NF1: variants seen among roughly 807,000 people sequenced by gnomAD.
NF1 encodes the protein neurofibromin 1.
NF1 carries 122 observed loss-of-function variants against 325.7 expected under a neutral mutation model. The ratio of observed to expected loss-of-function variants is 0.37; its 90% CI spans 0.32 to 0.44. The LOEUF (loss-of-function observed/expected upper bound fraction) is 0.44, where lower values mean the gene tolerates loss of function less well. NF1 is among the 20% of genes least tolerant of loss of function. The probability of loss-of-function intolerance (pLI) is 1.00; values close to 1 mark genes in which losing one functional copy is unlikely to be tolerated. For missense variants in NF1, 2,140 were observed against 3,415.4 expected, an observed-to-expected ratio of 0.63 and a Z score of 9.31; for synonymous variants, 1,091 against 1,186.0, an observed-to-expected ratio of 0.92 and a Z score of 1.65.
chr17:31,206,493 A>G, intron 12 of NF1, 122 bp downstream of exon 12: 1 of 1,156,134 alleles, frequency 8.6e-7, no homozygotes, highest in Admixed American at 1.8e-5. Flanking sequence ...ATTTCCTCTA[A>G]ATGTTGTGGT....
chr17:31,287,094 A>G, intron 36 of NF1, among the ~76,000 whole-genome samples: 1 of 152,284 alleles, frequency 6.6e-6, no homozygotes, highest in Non-Finnish European at 1.5e-5. Context: ...CTGCTAAATA[A>G]TTTTTTTAGG....
At chr17:31,264,697 A>G (rs529603018) in intron 35 of NF1, among the ~76,000 whole-genome samples, 1 of 152,350 alleles carries the variant, frequency 6.6e-6, no homozygotes, top group East Asian at 1.9e-4. Context: ...AGCAAACTAT[A>G]TAAAAATTAA....
intron 36 of NF1, among the ~76,000 whole-genome samples, chr17:31,268,697 A>AT (rs933916239): frequency 6.7e-6 from 1 of 149,842 alleles, no homozygotes; most frequent in Non-Finnish European, 1.5e-5. Context: ...ATGTGTTTTA[A>AT]TTTTTTTTGT....
intron 36 of NF1, among the ~76,000 whole-genome samples, chr17:31,279,660 T>C (rs1015901082): frequency 1.3e-5 from 2 of 152,114 alleles, no homozygotes; most frequent in Middle Eastern, 3.4e-3. Flanking sequence ...AGACAGGCCA[T>C]TGTTATGAGA....
At chr17:31,325,007 C>G (rs954818375) in intron 36 of NF1, among the ~76,000 whole-genome samples, 1 of 152,182 alleles carries the variant, frequency 6.6e-6, no homozygotes, top group Admixed American at 6.5e-5. Context: ...ACTTTGGTAC[C>G]ATTACTTCAG....
Position 31,325,833 on chromosome 17 carries a change from C to A in NF1, c.4849C>A (p.Gln1617Lys). Residue 1617 changes from glutamine (Q) to lysine (K), a missense_variant, in exon 37 of 58, where the codon CAA (glutamine) becomes AAA (lysine). Physicochemically the swap from Gln to Lys is moderately conservative, Grantham distance 53. Around this residue, in one of 10 missense-constraint regions of NF1, gnomAD observed 103 missense variants for 214.6 expected, o/e 0.48. Coordinates refer to ENST00000358273, the MANE Select transcript of NF1 (RefSeq NM_001042492.3). Reference sequence around the variant, plus strand: ...CATTTTCCTTAGGTTCAAAACTGGTCAAATCAATGGTGATTTGCTGATATA... The same window carrying A: ...CATTTTCCTTAGGTTCAAAACTGGTAAAATCAATGGTGATTTGCTGATATA... ...YYVARRFKTG[Q>K]INGDLLIYHV... 6.2e-7 allele frequency: 1 copy of A among 1,613,924 alleles called. No individual in the cohort carries two copies. The highest frequency in any genetic ancestry group is 1.1e-5 in the South Asian group (1 of 91,020).
chr17:31,260,553 C>A (rs1319685318), intron 34 of NF1, 38 bp downstream of exon 34: 1 of 1,609,516 alleles, frequency 6.2e-7, no homozygotes, highest in Non-Finnish European at 8.5e-7. Flanking sequence ...GAACACTCTC[C>A]GTTTAAATTT....
intron 36 of NF1, among the ~76,000 whole-genome samples, chr17:31,309,462 G>A (rs2068811716): frequency 6.6e-6 from 1 of 152,138 alleles, no homozygotes; most frequent in South Asian, 2.1e-4. Context: ...TCTCTGGATG[G>A]TCATCATCCA....
chr17:31,192,622 T>C (rs1317672341), intron 8 of NF1, among the ~76,000 whole-genome samples: 1 of 152,068 alleles, frequency 6.6e-6, no homozygotes, highest in Non-Finnish European at 1.5e-5. Context: ...AGTCGATTAA[T>C]CTCCTGGATC....
chr17:31,136,378 C>G (rs898778149), intron 1 of NF1: 13 of 151,750 alleles, frequency 8.6e-5, no homozygotes, highest in African/African-American at 3.2e-4. Flanking sequence ...TCTCCCCGCT[C>G]CCCCCACAAC....
intron 29 of NF1, among the ~76,000 whole-genome samples, chr17:31,246,398 A>G (rs1420280369): frequency 1.3e-5 from 2 of 152,244 alleles, no homozygotes; most frequent in Non-Finnish European, 2.9e-5. Flanking sequence ...CCACACAGCA[A>G]ACTCTAAGGA....
rs1432760070 is a variant in NF1, at chr17:31,374,229, CT to C, written c.*77del. 2.5e-6 allele frequency: 4 copies of C among 1,590,908 alleles called. No homozygotes were observed. The highest frequency in any genetic ancestry group is 3.4e-6 in the Non-Finnish European group (4 of 1,160,358). The stretch of plus-strand genomic sequence containing the variant: ...TAGTGACCCCTTCCCTGTCCTTGCC[CT>C]TTCCCCCCATGTTGTAATGCTGCAC... On this transcript the variant is annotated 3_prime_UTR_variant, in exon 58 of 58. Coordinates refer to ENST00000358273, the MANE Select transcript of NF1 (RefSeq NM_001042492.3).
chr17:31,318,421 C>G (rs1474458427), intron 36 of NF1: 1 of 1,613,794 alleles, frequency 6.2e-7, no homozygotes, highest in South Asian at 1.1e-5. Context: ...CTGTTTTGTT[C>G]TTTTCCAAGT....
chr17:31,110,320 G>T (rs917859416), intron 1 of NF1, among the ~76,000 whole-genome samples: 5 of 152,174 alleles, frequency 3.3e-5, no homozygotes, highest in African/African-American at 1.2e-4. Context: ...AAATAGAAGA[G>T]ATCTTTATAG....
chr17:31,120,901 A>G (rs1304568656), intron 1 of NF1, among the ~76,000 whole-genome samples: 1 of 152,220 alleles, frequency 6.6e-6, no homozygotes, highest in East Asian at 1.9e-4. Context: ...AAAGAAAGCA[A>G]CAATTCCCAC....
intron 36 of NF1, among the ~76,000 whole-genome samples, chr17:31,290,665 C>G (rs2068326687): frequency 6.6e-6 from 1 of 152,040 alleles, no homozygotes; most frequent in South Asian, 2.1e-4. Flanking sequence ...TTTTATGCCA[C>G]TATCATTCTG....
chr17:31,294,574 A>G (rs549186562), intron 36 of NF1: 1 of 185,598 alleles, frequency 5.4e-6, no homozygotes, highest in African/African-American at 2.4e-5. Flanking sequence ...TTACCAAGGT[A>G]CCCTAGAACA....
chr17:31,356,271 T>A, intron 51 of NF1, 189 bp from the exon 52 acceptor site: 1 of 546,576 alleles, frequency 1.8e-6, no homozygotes, highest in Non-Finnish European at 3.3e-6. Flanking sequence ...AACAGAAAGC[T>A]ATGGGAACAA....
At position 31,336,368 on chromosome 17, in the gene NF1, C is replaced by T. The variant is rs2151553258; in HGVS notation, c.6042C>T (p.Phe2014=). Residue 2014 remains phenylalanine, a synonymous_variant, in exon 41 of 58, where the codon TTC becomes TTT. Transcript: ENST00000358273. The surrounding 1 kb of genome is among the most constrained non-coding windows in gnomAD (Gnocchi z 5.5). ...TDLLDVVLDS[F]IKTSATGGLG... ...TGCTTGATGTTGTACTAGACAGTTT[C>T]ATCAAAACCAGTGCAACAGGTGGCT... 1 of 1,613,976 alleles carries T rather than the reference C, an allele frequency of 6.2e-7. No homozygotes were observed. Among genetic ancestry groups the T allele is most frequent in the Non-Finnish European group, 8.5e-7 (1 of 1,179,948 alleles).
Sources: allele counts gnomAD v4.1 joint callset (sites outside exome capture counted in the v4.1 genomes callset), GRCh38; gene constraint gnomAD v4.1.1; regional missense constraint gnomAD v4.1.1; non-coding constraint Gnocchi (gnomAD v3.1); transcripts MANE v1.5; gene names NCBI Gene and HGNC (gene_info 2026-07-23, HGNC 2026-07-21).